The following PKNOX2 variants were observed in gnomAD, a reference collection of about 807,000 sequenced individuals.
PKNOX2 encodes homeobox protein PKNOX2.
Under a neutral mutation model 53.1 loss-of-function variants are expected in PKNOX2, and 14 were observed. The observed-to-expected ratio is 0.26, with a 90% confidence interval of 0.17 to 0.41. PKNOX2 has a LOEUF of 0.41. Among genes scored for constraint, PKNOX2 ranks in the 10% least tolerant of loss-of-function variants. PKNOX2 has a pLI of 1.00. For missense variants in PKNOX2, 496 were observed against 602.8 expected (o/e 0.82, Z 1.85); for synonymous variants, 257 against 242.8 (o/e 1.06, Z -0.54).
In PKNOX2 at chr11:125,287,299, A is replaced by C. The variant is rs375575853; in HGVS notation, c.-129-44520A>C. Reference sequence around the variant, plus strand: ...ACACCGTGCTGTTTAGAAGGTAGCCATTGGAAAGAAAAGTAGCAACCCTTT... The same window carrying C: ...ACACCGTGCTGTTTAGAAGGTAGCCCTTGGAAAGAAAAGTAGCAACCCTTT... On this transcript the variant is annotated intron_variant, in intron 2 of 12. Coordinates refer to ENST00000298282, the MANE Select transcript of PKNOX2 (RefSeq NM_001382323.2). 2.0e-5 allele frequency among the ~76,000 whole-genome samples: 3 copies of C among 152,166 alleles called. No individual in the cohort carries two copies. The East Asian group carries it at 5.8e-4, about 29-fold the overall frequency.
intron 2 of PKNOX2, among the ~76,000 whole-genome samples, chr11:125,256,837 G>C (rs1448401262): frequency 1.3e-5 from 2 of 152,194 alleles, no homozygotes; most frequent in Non-Finnish European, 2.9e-5. Flanking sequence ...AGGGGAGAGA[G>C]AGGCTTCTGC....
chr11:125,199,934 A>C (rs1483727883), intron 1 of PKNOX2, among the ~76,000 whole-genome samples: 1 of 152,240 alleles, frequency 6.6e-6, no homozygotes, highest in Non-Finnish European at 1.5e-5. Flanking sequence ...CAGGAGCAAC[A>C]TCCACTCATT....
chr11:125,378,044 C>T lies in PKNOX2; in HGVS notation c.228-7507C>T, dbSNP rs551664078. On this transcript the variant is annotated intron_variant, in intron 5 of 12. Transcript: ENST00000298282. ...AAGGGCACTTGTTGTGGACCATCTG[C>T]GGTAAACAGATGCCCCAGGAAGGGG... Among the ~76,000 whole-genome samples, 29 of 152,308 alleles carry T rather than the reference C, an allele frequency of 1.9e-4. No individual in the cohort carries two copies. In the South Asian group the frequency reaches 2.9e-3, roughly 15 times the overall value.
intron 2 of PKNOX2, among the ~76,000 whole-genome samples, chr11:125,283,791 A>G (rs934411495): frequency 1.3e-5 from 2 of 152,180 alleles, no homozygotes; most frequent in African/African-American, 4.8e-5. Flanking sequence ...GAAGAAGGGA[A>G]TCATGTTTGT....
chr11:125,392,885 G>A (rs559580059), intron 6 of PKNOX2, among the ~76,000 whole-genome samples: 21 of 152,150 alleles, frequency 1.4e-4, no homozygotes, highest in Admixed American at 9.2e-4. Flanking sequence ...TTGGCCGGGC[G>A]CGGTGGCTCA....
At position 125,182,960 on chromosome 11, in the gene PKNOX2, G is replaced by A. The variant is rs561950354; in HGVS notation, c.-201+18184G>A. 9.3e-4 allele frequency among the ~76,000 whole-genome samples: 142 copies of A among 152,294 alleles called. 1 individual carries two copies. Among genetic ancestry groups the A allele is most frequent in the Admixed American group, 5.0e-3 (77 of 15,300 alleles). Reference sequence around the variant, plus strand: ...CTGGAAAATAGGAAGGCTCATTACTGTTTGGAATCAATGAAACTTGCAAGA... The same window carrying A: ...CTGGAAAATAGGAAGGCTCATTACTATTTGGAATCAATGAAACTTGCAAGA... On this transcript the variant is annotated intron_variant, in intron 1 of 12. Transcript: ENST00000298282.
At chr11:125,242,524 G>A (rs1456808226) in intron 2 of PKNOX2, among the ~76,000 whole-genome samples, 4 of 152,192 alleles carry the variant, frequency 2.6e-5, no homozygotes, top group Non-Finnish European at 4.4e-5. Flanking sequence ...GCCCTGAAGG[G>A]TGGCCTCTGG....
intron 1 of PKNOX2, among the ~76,000 whole-genome samples, chr11:125,217,275 C>T (rs1940639251): frequency 6.6e-6 from 1 of 152,142 alleles, no homozygotes; most frequent in Admixed American, 6.5e-5. Flanking sequence ...CTCTGGACAC[C>T]TTATTAGGCT....
chr11:125,167,390 G>A (rs1954968854), intron 1 of PKNOX2, among the ~76,000 whole-genome samples: 1 of 152,164 alleles, frequency 6.6e-6, no homozygotes, highest in Non-Finnish European at 1.5e-5. Flanking sequence ...TGCCGCCGCG[G>A]AGCTCCAAGG....
intron 2 of PKNOX2, among the ~76,000 whole-genome samples, chr11:125,320,720 C>A (rs189081087): frequency 6.6e-6 from 1 of 152,276 alleles, no homozygotes; most frequent in East Asian, 1.9e-4. Flanking sequence ...ATGAATTGAT[C>A]ACATTTGCTG....
chr11:125,348,235 G>A (rs568372983), intron 3 of PKNOX2, among the ~76,000 whole-genome samples: 12 of 152,178 alleles, frequency 7.9e-5, no homozygotes, highest in Non-Finnish European at 1.6e-4. Flanking sequence ...CAGGAACCGG[G>A]GAAGTGCACG....
chr11:125,220,657 A>G (rs894131958), intron 1 of PKNOX2, among the ~76,000 whole-genome samples: 1 of 152,188 alleles, frequency 6.6e-6, no homozygotes, highest in Non-Finnish European at 1.5e-5. Flanking sequence ...CAGTCTCTGC[A>G]ATTCTCCCGT....
chr11:125,301,310 G>A (rs544876118), intron 2 of PKNOX2, among the ~76,000 whole-genome samples: 64 of 151,960 alleles, frequency 4.2e-4, no homozygotes, highest in Non-Finnish European at 7.2e-4. Context: ...CATATGCCCC[G>A]GGGGCAACTA....
At chr11:125,234,949 G>A (rs767796898) in intron 1 of PKNOX2, 96 bp from the exon 2 acceptor site, 2 of 152,646 alleles carry the variant, frequency 1.3e-5, no homozygotes, top group Non-Finnish European at 2.9e-5. Flanking sequence ...TTTTTCCTGA[G>A]CCAAACCCAC....
chr11:125,421,450 T>A (rs1956172976), intron 10 of PKNOX2, among the ~76,000 whole-genome samples: 1 of 152,214 alleles, frequency 6.6e-6, no homozygotes, highest in South Asian at 2.1e-4. Context: ...CAGCATGGTG[T>A]AGCGCAAGGA....
At chr11:125,179,556 G>A (rs1400099906) in intron 1 of PKNOX2, among the ~76,000 whole-genome samples, 1 of 152,210 alleles carries the variant, frequency 6.6e-6, no homozygotes, top group African/African-American at 2.4e-5. Context: ...AGAGCTGACA[G>A]GCAGCTGGGG....
intron 5 of PKNOX2, among the ~76,000 whole-genome samples, chr11:125,381,111 G>A (rs577479577): frequency 6.6e-6 from 1 of 152,336 alleles, no homozygotes; most frequent in South Asian, 2.1e-4. Flanking sequence ...GCATGAGGTA[G>A]AAGGTAGTGT....
chr11:125,431,396 G>A lies in PKNOX2; in HGVS notation c.*4G>A. ...ACACAGTGACTCCCTGGAGTAGTCG[G>A]GCAGCCCAGATGGCACTGATCACTG... is the stretch of plus-strand genomic sequence containing the variant. On this transcript the variant is annotated 3_prime_UTR_variant, in exon 13 of 13. Coordinates refer to ENST00000298282, the MANE Select transcript of PKNOX2 (RefSeq NM_001382323.2). 1.2e-6 allele frequency: 2 copies of A among 1,609,894 alleles called. No homozygotes were observed. Among genetic ancestry groups the A allele is most frequent in the Non-Finnish European group, 1.7e-6 (2 of 1,178,390 alleles).
At chr11:125,232,996 C>T (rs559285056) in intron 1 of PKNOX2, among the ~76,000 whole-genome samples, 4 of 151,544 alleles carry the variant, frequency 2.6e-5, no homozygotes, top group African/African-American at 9.7e-5. Flanking sequence ...TGCACGTGGA[C>T]GTAGGATATA....
Sources: allele counts gnomAD v4.1 joint callset (sites outside exome capture counted in the v4.1 genomes callset), GRCh38; gene constraint gnomAD v4.1.1; transcripts MANE v1.5; gene names NCBI Gene and HGNC (gene_info 2026-07-23, HGNC 2026-07-21).